The following NELL1 variants were observed in gnomAD, a reference collection of about 807,000 sequenced individuals.
The protein encoded by NELL1 is protein kinase C-binding protein NELL1.
NELL1 carries 76 observed loss-of-function variants against 107.4 expected under a neutral mutation model. The observed-to-expected ratio is 0.71, with a 90% confidence interval of 0.59 to 0.86. The LOEUF (loss-of-function observed/expected upper bound fraction) is 0.86. Among genes scored for constraint, NELL1 ranks in the 40% least tolerant of loss-of-function variants. The probability of loss-of-function intolerance (pLI) is 0.00; values close to 1 mark genes in which losing one functional copy is unlikely to be tolerated. For synonymous variants in NELL1, 353 were observed against 341.2 expected, an observed-to-expected ratio of 1.03 and a Z score of -0.38; for missense variants, 1,024 against 1,005.5, an observed-to-expected ratio of 1.02 and a Z score of -0.25.
At position 20,781,271 on chromosome 11, in the gene NELL1, G is replaced by GGTGTGACCGTTTACTAAGACTGGGACC. The variant is rs1856844854; in HGVS notation, c.185-2408_185-2382dup. Among the ~76,000 whole-genome samples, 3 of 152,296 alleles carry GGTGTGACCGTTTACTAAGACTGGGACC rather than the reference G, an allele frequency of 2.0e-5. No individual in the cohort carries two copies. The South Asian group carries it at 6.2e-4, about 32-fold the overall frequency. The stretch of plus-strand genomic sequence containing the variant: ...TCTAGTTTTTTGACTTGAGGAACAG[G>GGTGTGACCGTTTACTAAGACTGGGACC]GTGTGACCGTTTACTAAGACTGGGA... On this transcript the variant is annotated intron_variant, in intron 2 of 19. Transcript: ENST00000357134.
In NELL1 at chr11:21,432,156, CT is replaced by C. The variant is rs531746303; in HGVS notation, c.1645+61217del. Reference sequence around the variant, plus strand: ...TTAGAGTAAGGACCATCCAGGATTCCTTTTTTTTTCTGTGTATCCTAGAGAA... The same window carrying C: ...TTAGAGTAAGGACCATCCAGGATTCCTTTTTTTTCTGTGTATCCTAGAGAA... On this transcript the variant is annotated intron_variant, in intron 15 of 19. Transcript: ENST00000357134. 1.9e-3 allele frequency among the ~76,000 whole-genome samples: 291 copies of C among 150,906 alleles called. 1 individual carries two copies. Among genetic ancestry groups the C allele is most frequent in the Non-Finnish European group, 3.7e-3 (252 of 67,654 alleles).
intron 4 of NELL1, among the ~76,000 whole-genome samples, chr11:20,848,684 G>T (rs1564932912): frequency 6.6e-6 from 1 of 152,164 alleles, no homozygotes; most frequent in Non-Finnish European, 1.5e-5. Flanking sequence ...GCATATTGGG[G>T]ATAGCCTCCC....
At chr11:20,796,639 G>A (rs1857174012) in intron 3 of NELL1, among the ~76,000 whole-genome samples, 1 of 152,150 alleles carries the variant, frequency 6.6e-6, no homozygotes, top group African/African-American at 2.4e-5. Flanking sequence ...TTTAGAGTTA[G>A]GACTATGATC....
chr11:21,098,052 A>C (rs1363902780), intron 12 of NELL1, among the ~76,000 whole-genome samples: 2 of 151,464 alleles, frequency 1.3e-5, no homozygotes, highest in Admixed American at 6.6e-5. Flanking sequence ...CTCAGGATGA[A>C]GTTTACACTC....
Position 21,403,977 on chromosome 11 carries a change from T to C in NELL1, c.1645+33029T>C, listed in dbSNP as rs375877896. ...ATCCTCCTCTAACCCTTGATCAATG[T>C]GGCGGAAAATATCTCTGTCATTCCT... On this transcript the variant is annotated intron_variant, in intron 15 of 19. Transcript: ENST00000357134. Among the ~76,000 whole-genome samples, 16 of 138,834 alleles carry C rather than the reference T, an allele frequency of 1.2e-4. No homozygotes were observed. In the South Asian group the frequency reaches 3.6e-3, roughly 32 times the overall value. 91.1% of individuals were successfully genotyped at this position (138,834 alleles called of 152,430 possible).
intron 15 of NELL1, among the ~76,000 whole-genome samples, chr11:21,466,580 T>A (rs865879704): frequency 1.1e-4 from 16 of 152,270 alleles, no homozygotes; most frequent in African/African-American, 2.6e-4. Flanking sequence ...AAACTTTTTT[T>A]AAAAAATAGC....
chr11:21,437,487 G>A (rs1486838922), intron 15 of NELL1, among the ~76,000 whole-genome samples: 1 of 152,110 alleles, frequency 6.6e-6, no homozygotes, highest in Admixed American at 6.5e-5. Flanking sequence ...AGCCTCTTGA[G>A]TAGCTGGAAT....
intron 14 of NELL1, among the ~76,000 whole-genome samples, chr11:21,260,914 A>C (rs1848516831): frequency 6.6e-6 from 1 of 151,886 alleles, no homozygotes; most frequent in East Asian, 1.9e-4. Context: ...AGACATATTA[A>C]TACTTTCTAT....
intron 2 of NELL1, among the ~76,000 whole-genome samples, chr11:20,776,081 G>A (rs1415197928): frequency 1.3e-5 from 2 of 152,320 alleles, no homozygotes; most frequent in East Asian, 3.9e-4. Context: ...CAGGCACTGT[G>A]CTTGGTGTAG....
chr11:21,378,319 A>G (rs1851528407), intron 15 of NELL1, among the ~76,000 whole-genome samples: 1 of 150,830 alleles, frequency 6.6e-6, no homozygotes, highest in Non-Finnish European at 1.5e-5. Context: ...TTATTTGATA[A>G]TAATATGAAA....
At chr11:21,393,080 G>T (rs1428796685) in intron 15 of NELL1, among the ~76,000 whole-genome samples, 1 of 151,422 alleles carries the variant, frequency 6.6e-6, no homozygotes, top group Non-Finnish European at 1.5e-5. Context: ...GCTTTCAATG[G>T]TTTAAAATAC....
chr11:21,112,576 A>C (rs891045823), intron 12 of NELL1, among the ~76,000 whole-genome samples: 1 of 152,158 alleles, frequency 6.6e-6, no homozygotes, highest in African/African-American at 2.4e-5. Flanking sequence ...TCTAAGCCCC[A>C]GTTTTCTAGA....
chr11:20,851,029 T>G (rs961307567), intron 4 of NELL1, among the ~76,000 whole-genome samples: 2 of 152,164 alleles, frequency 1.3e-5, no homozygotes, highest in Non-Finnish European at 2.9e-5. Flanking sequence ...GTCACCTCCA[T>G]AGTGTGCTAA....
chr11:21,503,648 A>G (rs751214352), intron 15 of NELL1, among the ~76,000 whole-genome samples: 1 of 152,200 alleles, frequency 6.6e-6, no homozygotes, highest in Admixed American at 6.5e-5. Flanking sequence ...TCTAGGTAAT[A>G]GGTAATTATT....
intron 4 of NELL1, among the ~76,000 whole-genome samples, chr11:20,869,402 G>A (rs1849155126): frequency 6.6e-6 from 1 of 152,148 alleles, no homozygotes; most frequent in Non-Finnish European, 1.5e-5. Flanking sequence ...ATGAAAATTT[G>A]CATTTCAACC....
intron 12 of NELL1, among the ~76,000 whole-genome samples, chr11:21,061,418 A>C (rs1005146901): frequency 6.6e-6 from 1 of 152,204 alleles, no homozygotes; most frequent in Admixed American, 6.5e-5. Flanking sequence ...TGAAGGGTAC[A>C]CAGGAGTTGA....
intron 14 of NELL1, among the ~76,000 whole-genome samples, chr11:21,359,549 T>A (rs1851023833): frequency 6.6e-6 from 1 of 152,184 alleles, no homozygotes; most frequent in African/African-American, 2.4e-5. Flanking sequence ...CCTCTTTGTC[T>A]TTTGGAATAG....
At chr11:21,411,938 A>G (rs149309351) in intron 15 of NELL1, among the ~76,000 whole-genome samples, 2 of 152,034 alleles carry the variant, frequency 1.3e-5, no homozygotes, top group Non-Finnish European at 2.9e-5. Context: ...GGAGGTTTGT[A>G]CTGATGACCT....
intron 17 of NELL1, among the ~76,000 whole-genome samples, chr11:21,567,127 G>T (rs971918164): frequency 2.6e-5 from 4 of 151,774 alleles, no homozygotes; most frequent in East Asian, 1.9e-4. Flanking sequence ...CAGACATGCT[G>T]GTTCCTAAGG....
Sources: allele counts gnomAD v4.1 joint callset (sites outside exome capture counted in the v4.1 genomes callset), GRCh38; gene constraint gnomAD v4.1.1; transcripts MANE v1.5; gene names NCBI Gene and HGNC (gene_info 2026-07-23, HGNC 2026-07-21).